Variants in GYPE observed in about 807,000 individuals in gnomAD.
GYPE encodes glycophorin E (MNS blood group).
A neutral mutation model predicts 11.6 loss-of-function variants in GYPE; 8 were observed. That is an observed-to-expected ratio of 0.69 (90% CI 0.41 to 1.25). GYPE has a LOEUF of 1.25. Among genes scored for constraint, GYPE ranks in the 50% most tolerant of loss-of-function variants. The pLI is 0.01. For missense variants in GYPE, 90 were observed against 92.8 expected, an observed-to-expected ratio of 0.97 and a Z score of 0.12; for synonymous variants, 28 against 29.6, an observed-to-expected ratio of 0.94 and a Z score of 0.18.
intron 1 of GYPE, among the ~76,000 whole-genome samples, chr4:143,889,216 T>C (rs990085769): frequency 9.2e-5 from 14 of 152,060 alleles, no homozygotes. Flanking sequence ...AGCCTGAACT[T>C]TTTAGCCTCG....
intron 3 of GYPE, among the ~76,000 whole-genome samples, chr4:143,874,464 C>A (rs1436407898): frequency 6.6e-6 from 1 of 152,198 alleles, no homozygotes; most frequent in Non-Finnish European, 1.5e-5. Context: ...TCAAAGCAGT[C>A]ACCTTGAGAG....
chr4:143,873,295 T>G, intron 3 of GYPE: 2 of 368,806 alleles, frequency 5.4e-6, no homozygotes, highest in South Asian at 4.4e-5. Context: ...AGACTTACAT[T>G]AAACTGATTA....
chr4:143,892,242 G>C (rs1347403170), intron 1 of GYPE, among the ~76,000 whole-genome samples: 3 of 151,940 alleles, frequency 2.0e-5, no homozygotes, highest in Middle Eastern at 3.4e-3. Context: ...CAATTTTGTT[G>C]ATCTTTTCAA....
intron 1 of GYPE, among the ~76,000 whole-genome samples, chr4:143,890,349 A>G (rs1466700722): frequency 6.6e-6 from 1 of 152,222 alleles, no homozygotes; most frequent in East Asian, 1.9e-4. Context: ...TGTCCGCTTT[A>G]GTCTAAGGTT....
chr4:143,894,174 C>A lies in GYPE; in HGVS notation c.37+11297G>T, dbSNP rs556358505. Among the ~76,000 whole-genome samples, 64 of 151,844 alleles carry A rather than the reference C, an allele frequency of 4.2e-4. 1 individual carries two copies. The South Asian group carries it at 0.013, about 31-fold the overall frequency. On this transcript the variant is annotated intron_variant, in intron 1 of 3. Transcript: ENST00000358615. The stretch of plus-strand genomic sequence containing the variant: ...TTTCAACTCCATCAGCTCCTTTAAG[C>A]ACTTCTCTGTATTGGTTATTCTAGT...
chr4:143,898,474 A>G (rs1252010583), intron 1 of GYPE, among the ~76,000 whole-genome samples: 6 of 152,244 alleles, frequency 3.9e-5, no homozygotes, highest in Admixed American at 1.3e-4. Flanking sequence ...AAACAGTGAA[A>G]AAGATTTACT....
At chr4:143,897,022 G>A (rs868691553) in intron 1 of GYPE, among the ~76,000 whole-genome samples, 66 of 152,136 alleles carry the variant, frequency 4.3e-4, no homozygotes, top group Middle Eastern at 3.4e-3. Flanking sequence ...TGGGGGCAGG[G>A]GGGAGGGATA....
rs12508932 is a variant in GYPE, at chr4:143,872,075, C to A, written c.*187G>T. On this transcript the variant is annotated 3_prime_UTR_variant, in exon 4 of 4. Transcript: ENST00000358615. ...GTAAGGCCCTCTGAAATTCTCTCTA[C>A]GCCTTTGAGAGACTCAGCATTTAGT... 3 of 152,418 alleles carry A rather than the reference C, an allele frequency of 2.0e-5. No individual in the cohort carries two copies. Among genetic ancestry groups the A allele is most frequent in the Non-Finnish European group, 2.9e-5 (2 of 68,034 alleles). The allele number at this position is 152,418 out of a possible 1,614,324, so 9.4% of individuals were successfully genotyped here. A position where few individuals can be genotyped will look rare whatever the true frequency, so the allele number is the denominator to read the frequency against.
At chr4:143,897,410 A>C (rs1744693351) in intron 1 of GYPE, among the ~76,000 whole-genome samples, 1 of 152,058 alleles carries the variant, frequency 6.6e-6, no homozygotes, top group African/African-American at 2.4e-5. Context: ...TCAAGACTGA[A>C]GTAAGTTATG....
At chr4:143,900,611 A>T (rs1744824665) in intron 1 of GYPE, among the ~76,000 whole-genome samples, 1 of 150,788 alleles carries the variant, frequency 6.6e-6, no homozygotes, top group African/African-American at 2.4e-5. Flanking sequence ...GGATGGATAA[A>T]CAAAATGTGA....
intron 1 of GYPE, among the ~76,000 whole-genome samples, chr4:143,882,317 T>G (rs998909187): frequency 1.3e-5 from 2 of 151,520 alleles, no homozygotes; most frequent in Non-Finnish European, 2.9e-5. Context: ...AATATTAAAA[T>G]TACAGAAAGA....
chr4:143,893,792 G>T (rs1744506792), intron 1 of GYPE, among the ~76,000 whole-genome samples: 1 of 151,944 alleles, frequency 6.6e-6, no homozygotes, highest in Admixed American at 6.6e-5. Flanking sequence ...ACGTGTCTTG[G>T]AGTTGCTTTT....
At chr4:143,903,995 T>C (rs916306247) in intron 1 of GYPE, among the ~76,000 whole-genome samples, 1 of 152,144 alleles carries the variant, frequency 6.6e-6, no homozygotes, top group Non-Finnish European at 1.5e-5. Context: ...TTCTGTGTAA[T>C]AGCACTTCAA....
chr4:143,876,509 A>G (rs1249611810), intron 3 of GYPE, among the ~76,000 whole-genome samples: 1 of 152,200 alleles, frequency 6.6e-6, no homozygotes, highest in African/African-American at 2.4e-5. Flanking sequence ...AAACTTAGGG[A>G]GAGCTTTCAT....
chr4:143,903,524 CAAAAAAAA>C (rs11400558), intron 1 of GYPE, among the ~76,000 whole-genome samples: 1 of 98,848 alleles, frequency 1.0e-5, no homozygotes, highest in Non-Finnish European at 1.9e-5. Flanking sequence ...TTTTTCATAG[CAAAAAAAA>C]AAAAAAAAAA....
chr4:143,892,260 G>T (rs1437403824), intron 1 of GYPE, among the ~76,000 whole-genome samples: 1 of 152,004 alleles, frequency 6.6e-6, no homozygotes, highest in Non-Finnish European at 1.5e-5. Context: ...CAAAAAACCA[G>T]CTCCTGGGTT....
rs764261042 is a variant in GYPE at position 143,871,720 on chromosome 4, A to G, written c.*542T>C. 2.6e-5 allele frequency: 4 copies of G among 152,188 alleles called. No homozygotes were observed. The highest frequency in any genetic ancestry group is 5.9e-5 in the Non-Finnish European group (4 of 68,050). 9.4% of individuals were successfully genotyped at this position (152,188 alleles called of 1,614,324 possible). A position where few individuals can be genotyped will look rare whatever the true frequency, so the allele number is the denominator to read the frequency against. ...TACAAAGACTGTAAATGCCTTCAAG[A>G]AGGTGAGAGAAACTAATATTTGGTT... On this transcript the variant is annotated 3_prime_UTR_variant, in exon 4 of 4. Coordinates refer to ENST00000358615, the MANE Select transcript of GYPE (RefSeq NM_198682.3).
At chr4:143,879,379 G>T (rs1743935692) in intron 2 of GYPE, among the ~76,000 whole-genome samples, 1 of 152,140 alleles carries the variant, frequency 6.6e-6, no homozygotes, top group Non-Finnish European at 1.5e-5. Flanking sequence ...TGATGATTGA[G>T]GATTCAGGTA....
At chr4:143,879,847 C>G (rs950542558) in intron 2 of GYPE, among the ~76,000 whole-genome samples, 1 of 152,160 alleles carries the variant, frequency 6.6e-6, no homozygotes, top group Non-Finnish European at 1.5e-5. Context: ...ACAAGAGAGA[C>G]TGCCACCAGA....
Sources: allele counts gnomAD v4.1 joint callset (sites outside exome capture counted in the v4.1 genomes callset), GRCh38; gene constraint gnomAD v4.1.1; transcripts MANE v1.5; gene names NCBI Gene and HGNC (gene_info 2026-07-23, HGNC 2026-07-21).